The following PSMA5 variants were observed in gnomAD, a reference collection of about 807,000 sequenced individuals.
PSMA5 encodes proteasome subunit alpha type-5.
Under a neutral mutation model 34.5 loss-of-function variants are expected in PSMA5, and 3 were observed. The observed-to-expected ratio is 0.09, with a 90% CI of 0.04 to 0.22. The LOEUF (loss-of-function observed/expected upper bound fraction) is 0.22, where lower values mean the gene tolerates loss of function less well. Among genes scored for constraint, PSMA5 ranks in the 10% least tolerant of loss-of-function variants. The pLI is 1.00. For missense variants in PSMA5, 120 were observed against 286.1 expected (o/e 0.42, Z 4.19); for synonymous variants, 88 against 95.8 (o/e 0.92, Z 0.47).
chr1:109,409,448 C>T (rs1256129554), intron 8 of PSMA5, among the ~76,000 whole-genome samples: 2 of 152,222 alleles, frequency 1.3e-5, no homozygotes, highest in Non-Finnish European at 2.9e-5. Flanking sequence ...TGAGCCACCT[C>T]GCCAGGCCTC....
At chr1:109,421,958 T>G in intron 1 of PSMA5, 32 bp from the exon 2 acceptor site, 1 of 1,355,276 alleles carries the variant, frequency 7.4e-7, no homozygotes, top group Non-Finnish European at 9.8e-7. Flanking sequence ...TTAATTATAC[T>G]CATAAAAACT....
chr1:109,423,957 T>A (rs1242555874), intron 1 of PSMA5, among the ~76,000 whole-genome samples: 1 of 152,210 alleles, frequency 6.6e-6, no homozygotes, highest in Non-Finnish European at 1.5e-5. Flanking sequence ...CCATTCAATA[T>A]CTAGCAGCAT....
chr1:109,424,370 G>C (rs777506716), intron 1 of PSMA5, among the ~76,000 whole-genome samples: 1 of 152,058 alleles, frequency 6.6e-6, no homozygotes, highest in Non-Finnish European at 1.5e-5. Flanking sequence ...GTAGAGATGA[G>C]GTCTCACTAT....
At chr1:109,416,883 T>C (rs570263820) in intron 2 of PSMA5, among the ~76,000 whole-genome samples, 6 of 152,280 alleles carry the variant, frequency 3.9e-5, no homozygotes, top group East Asian at 1.9e-4. Flanking sequence ...GGTGGGCAGA[T>C]TGCATGAGTC....
intron 2 of PSMA5, among the ~76,000 whole-genome samples, chr1:109,421,434 G>T (rs1196671341): frequency 6.7e-6 from 1 of 148,648 alleles, no homozygotes; most frequent in Non-Finnish European, 1.5e-5. Flanking sequence ...CTGAACTCCA[G>T]CCTGGGCAAC....
At chr1:109,415,130 G>C in intron 3 of PSMA5, 107 bp downstream of exon 3, 1 of 1,324,248 alleles carries the variant, frequency 7.6e-7, no homozygotes, top group Non-Finnish European at 1.0e-6. Flanking sequence ...GAAAATAATA[G>C]CTAACAAGGG....
chr1:109,404,143 G>A (rs1001029087), intron 8 of PSMA5, among the ~76,000 whole-genome samples: 1 of 152,044 alleles, frequency 6.6e-6, no homozygotes, highest in African/African-American at 2.4e-5. Context: ...GGTGAACATG[G>A]CAAAACCCTG....
chr1:109,412,968 A>G, intron 4 of PSMA5, 100 bp downstream of exon 4: 1 of 995,812 alleles, frequency 1.0e-6, no homozygotes, highest in Admixed American at 1.9e-5. Flanking sequence ...AGCCACATCT[A>G]ATATTGACAC....
chr1:109,405,836 A>C (rs1653734584), intron 8 of PSMA5, among the ~76,000 whole-genome samples: 1 of 152,210 alleles, frequency 6.6e-6, no homozygotes, highest in Non-Finnish European at 1.5e-5. Flanking sequence ...GAAATGGAGG[A>C]GGGCAAGATT....
At chr1:109,413,620 C>T (rs1188843043) in intron 3 of PSMA5, among the ~76,000 whole-genome samples, 1 of 152,178 alleles carries the variant, frequency 6.6e-6, no homozygotes, top group East Asian at 1.9e-4. Context: ...GCCTGATGGC[C>T]CAAGCTGTCA....
chr1:109,407,556 T>C (rs1653826460), intron 8 of PSMA5, among the ~76,000 whole-genome samples: 1 of 152,230 alleles, frequency 6.6e-6, no homozygotes, highest in Non-Finnish European at 1.5e-5. Flanking sequence ...CATTTTCTCA[T>C]GAGTGTGGTC....
Position 109,407,767 on chromosome 1 carries a change from G to A in PSMA5, c.648+2161C>T, listed in dbSNP as rs527301970. On this transcript the variant is annotated intron_variant, in intron 8 of 8. Transcript: ENST00000271308. Reference sequence around the variant, plus strand: ...AGCAATTCTCATGCCTCAGCCTCCCGAATAGCTGAGATTACAGGCACGCAC... The same window carrying A: ...AGCAATTCTCATGCCTCAGCCTCCCAAATAGCTGAGATTACAGGCACGCAC... Among the ~76,000 whole-genome samples, 43 of 151,914 alleles carry A rather than the reference G, an allele frequency of 2.8e-4. 1 individual carries two copies. The South Asian group carries it at 5.0e-3, about 18-fold the overall frequency.
At chr1:109,422,681 C>T (rs1654491300) in intron 1 of PSMA5, among the ~76,000 whole-genome samples, 1 of 152,088 alleles carries the variant, frequency 6.6e-6, no homozygotes, top group Admixed American at 6.5e-5. Context: ...CCATATTGGC[C>T]AGGCTGGTCT....
chr1:109,406,832 T>A (rs1172367056), intron 8 of PSMA5, among the ~76,000 whole-genome samples: 2 of 152,160 alleles, frequency 1.3e-5, no homozygotes, highest in African/African-American at 2.4e-5. Context: ...GGGTTGTACA[T>A]TTGTCAACAT....
chr1:109,422,570 T>G (rs766413502), intron 1 of PSMA5, among the ~76,000 whole-genome samples: 3 of 151,626 alleles, frequency 2.0e-5, no homozygotes, highest in Non-Finnish European at 4.4e-5. Context: ...CCTCCTGGGT[T>G]CAAGCAGTTA....
chr1:109,410,279 A>AT (rs1360907906), intron 7 of PSMA5, among the ~76,000 whole-genome samples: 1 of 152,250 alleles, frequency 6.6e-6, no homozygotes, highest in Non-Finnish European at 1.5e-5. Flanking sequence ...GGGGAAAGGG[A>AT]TAGACTAGTC....
intron 1 of PSMA5, among the ~76,000 whole-genome samples, chr1:109,424,971 G>C (rs1404073004): frequency 3.6e-5 from 5 of 140,422 alleles, no homozygotes; most frequent in Non-Finnish European, 7.4e-5. Flanking sequence ...TGGCGACAGA[G>C]CGAGACTCCG....
chr1:109,422,071 C>G lies in PSMA5; in HGVS notation c.30-145G>C. ...CTACTTCGCCCACAACAATCTGTAGCATTTTTTTGTACATTAACAGTTTCT... is the reference window on the plus strand; with the variant it reads ...CTACTTCGCCCACAACAATCTGTAGGATTTTTTTGTACATTAACAGTTTCT... On this transcript the variant is annotated intron_variant, in intron 1 of 8. Transcript: ENST00000271308. 9.6e-6 allele frequency: 5 copies of G among 519,006 alleles called. No homozygotes were observed. The South Asian group carries it at 1.5e-4, about 16-fold the overall frequency. The allele number at this position is 519,006 out of a possible 1,614,324, so 32.2% of individuals were successfully genotyped here.
In PSMA5 at chr1:109,400,707, G is replaced by GT. The variant is rs1482419766; in HGVS notation, c.*1305dup. The GT allele has an allele frequency of 6.6e-6, 1 of 152,068 alleles. No individual in the cohort carries two copies. Among genetic ancestry groups the GT allele is most frequent in the Admixed American group, 6.5e-5 (1 of 15,268 alleles). 9.4% of individuals were successfully genotyped at this position (152,068 alleles called of 1,614,324 possible). On this transcript the variant is annotated 3_prime_UTR_variant, in exon 9 of 9. Transcript: ENST00000271308. ...GTTTCCAAATGTATATAAACATGTT[G>GT]TTTTTTGTTGAACTACAGTATGGAT...
Sources: gnomAD v4.1 joint callset for allele counts (sites outside exome capture counted in the v4.1 genomes callset) on GRCh38, gnomAD v4.1.1 for gene constraint, MANE v1.5 for transcripts, NCBI Gene and HGNC (gene_info 2026-07-23, HGNC 2026-07-21) for gene names.